Variants in LRBA observed in about 807,000 individuals in gnomAD.
LRBA encodes the protein LPS responsive beige-like anchor protein, also known as lipopolysaccharide-responsive and beige-like anchor protein.
LRBA carries 176 observed loss-of-function variants against 330.0 expected under a neutral mutation model. The ratio of observed to expected loss-of-function variants is 0.53; its 90% CI spans 0.47 to 0.60. LRBA has a LOEUF of 0.60. LRBA is among the 20% of genes least tolerant of loss of function. The pLI, the probability that LRBA is intolerant of heterozygous loss-of-function variation, is 0.00. For synonymous variants in LRBA, 1,230 were observed against 1,193.0 expected (o/e 1.03, Z -0.64); for missense variants, 3,259 against 3,444.8 (o/e 0.95, Z 1.35).
intron 40 of LRBA, chr4:150,579,547 T>G (rs1361553983): frequency 4.9e-6 from 2 of 409,812 alleles, no homozygotes; most frequent in African/African-American, 4.1e-5. Flanking sequence ...GGTAATGAAT[T>G]GTTTTTAAAT....
At chr4:150,422,027 G>C (rs1331428606) in intron 46 of LRBA, among the ~76,000 whole-genome samples, 2 of 152,212 alleles carry the variant, frequency 1.3e-5, no homozygotes, top group Non-Finnish European at 2.9e-5. Context: ...GGAGGCCAAG[G>C]TGGGAGGACT....
intron 31 of LRBA, 136 bp from the exon 32 acceptor site, chr4:150,808,534 A>C (rs1246648285): frequency 1.8e-6 from 1 of 561,730 alleles, no homozygotes; most frequent in Non-Finnish European, 3.1e-6. Flanking sequence ...GGATAACATT[A>C]AAATCTAACA....
chr4:150,981,524 C>T (rs568174663), intron 2 of LRBA, among the ~76,000 whole-genome samples: 1 of 152,056 alleles, frequency 6.6e-6, no homozygotes, highest in South Asian at 2.1e-4. Context: ...TATCTGACTT[C>T]AATTTATACC....
intron 40 of LRBA, among the ~76,000 whole-genome samples, chr4:150,561,943 T>C (rs1387297091): frequency 3.3e-5 from 5 of 152,258 alleles, no homozygotes; most frequent in South Asian, 2.1e-4. Flanking sequence ...GAATATAATA[T>C]AGTTTTCATG....
intron 37 of LRBA, among the ~76,000 whole-genome samples, chr4:150,669,490 T>G (rs942934486): frequency 1.3e-5 from 2 of 152,196 alleles, no homozygotes; most frequent in African/African-American, 4.8e-5. Flanking sequence ...CATTTCTCCT[T>G]GTTTTTCATG....
chr4:150,725,655 C>T (rs1411794216), intron 36 of LRBA, among the ~76,000 whole-genome samples: 1 of 152,130 alleles, frequency 6.6e-6, no homozygotes, highest in East Asian at 1.9e-4. Flanking sequence ...GTACAAATCT[C>T]ACTGGTAATA....
chr4:150,676,366 T>A (rs1246616244), intron 37 of LRBA, among the ~76,000 whole-genome samples: 1 of 152,196 alleles, frequency 6.6e-6, no homozygotes, highest in Non-Finnish European at 1.5e-5. Flanking sequence ...ATTTCCCCTA[T>A]TAGAGAAAAA....
chr4:150,327,586 G>A (rs1455278549), intron 48 of LRBA, among the ~76,000 whole-genome samples: 2 of 152,196 alleles, frequency 1.3e-5, no homozygotes, highest in Non-Finnish European at 2.9e-5. Flanking sequence ...ATGGCTCAGA[G>A]TGCTAATCCT....
intron 22 of LRBA, among the ~76,000 whole-genome samples, chr4:150,866,050 A>T (rs912839884): frequency 2.0e-5 from 3 of 152,232 alleles, no homozygotes; most frequent in Admixed American, 2.0e-4. Flanking sequence ...ATGACAAAAT[A>T]TCTTAGAATA....
chr4:150,376,375 A>C (rs1163955530), intron 47 of LRBA, among the ~76,000 whole-genome samples: 1 of 152,184 alleles, frequency 6.6e-6, no homozygotes, highest in Non-Finnish European at 1.5e-5. Flanking sequence ...TCGGCACAAA[A>C]TTGTGGTTTT....
intron 40 of LRBA, among the ~76,000 whole-genome samples, chr4:150,520,524 G>A (rs1762812571): frequency 1.3e-5 from 2 of 151,830 alleles, no homozygotes; most frequent in Non-Finnish European, 2.9e-5. Context: ...ATTGTTCATA[G>A]AAAAAACAAT....
At chr4:150,399,786 A>G (rs1745220391) in intron 47 of LRBA, among the ~76,000 whole-genome samples, 1 of 152,136 alleles carries the variant, frequency 6.6e-6, no homozygotes, top group Non-Finnish European at 1.5e-5. Flanking sequence ...TGCCTGGCCA[A>G]TATGGTGAAA....
rs1247839895 is a variant in LRBA, at chr4:150,415,429, T to C, written c.7194+9A>G. On this transcript the variant is annotated intron_variant, in intron 47 of 56. Transcript: ENST00000651943. ...TCATGACAGACAGAGTAGATGATTA[T>C]TATCTTACCAATCTGTTTATGTGAA... 7 of 1,611,896 alleles carry C rather than the reference T, an allele frequency of 4.3e-6. No homozygotes were observed. In the African/African-American group the frequency reaches 9.4e-5, roughly 22 times the overall value.
At chr4:150,739,274 C>G (rs536752829) in intron 35 of LRBA, among the ~76,000 whole-genome samples, 1 of 151,970 alleles carries the variant, frequency 6.6e-6, no homozygotes, top group Non-Finnish European at 1.5e-5. Flanking sequence ...ATTTTTTAAC[C>G]TGACCTGACT....
At chr4:150,515,143 CA>C (rs1762205949) in intron 40 of LRBA, among the ~76,000 whole-genome samples, 1 of 152,090 alleles carries the variant, frequency 6.6e-6, no homozygotes, top group Non-Finnish European at 1.5e-5. Context: ...AATAAAGATA[CA>C]ACACTCTTAA....
chr4:150,542,422 A>AT (rs1304216062), intron 40 of LRBA, among the ~76,000 whole-genome samples: 4 of 152,210 alleles, frequency 2.6e-5, no homozygotes, highest in African/African-American at 9.6e-5. Flanking sequence ...ATTTCTTGTT[A>AT]TTGTTATGAC....
At chr4:150,544,481 C>T (rs533437760) in intron 40 of LRBA, among the ~76,000 whole-genome samples, 2 of 152,312 alleles carry the variant, frequency 1.3e-5, no homozygotes, top group South Asian at 4.1e-4. Flanking sequence ...GCTCATCTTT[C>T]AGTTCACACT....
chr4:150,511,842 G>A (rs1296520001), intron 40 of LRBA, among the ~76,000 whole-genome samples: 1 of 152,106 alleles, frequency 6.6e-6, no homozygotes, highest in African/African-American at 2.4e-5. Context: ...CTGACATTAT[G>A]CTCTGAGCCA....
At chr4:150,706,178 A>G (rs1785599380) in intron 36 of LRBA, among the ~76,000 whole-genome samples, 1 of 151,948 alleles carries the variant, frequency 6.6e-6, no homozygotes, top group Non-Finnish European at 1.5e-5. Context: ...GAGAAGCAAG[A>G]GGAACATAGA....
Sources: allele counts gnomAD v4.1 joint callset (sites outside exome capture counted in the v4.1 genomes callset), GRCh38; gene constraint gnomAD v4.1.1; transcripts MANE v1.5; gene names NCBI Gene and HGNC (gene_info 2026-07-23, HGNC 2026-07-21).